NCALD: variants seen among roughly 807,000 people sequenced by gnomAD.
The protein encoded by NCALD is neurocalcin-delta.
NCALD carries 10 observed loss-of-function variants against 18.6 expected under a neutral mutation model. The observed-to-expected ratio is 0.54, with a 90% CI of 0.33 to 0.91. NCALD has a LOEUF of 0.91. Among genes scored for constraint, NCALD ranks in the 40% least tolerant of loss-of-function variants. The pLI, the probability that NCALD is intolerant of heterozygous loss-of-function variation, is 0.03. For missense variants in NCALD, 184 were observed against 247.6 expected (o/e 0.74, Z 1.72); for synonymous variants, 88 against 87.4 (o/e 1.01, Z -0.04).
intron 4 of NCALD, among the ~76,000 whole-genome samples, chr8:101,846,704 T>C (rs191134768): frequency 1.3e-5 from 2 of 152,352 alleles, no homozygotes; most frequent in Non-Finnish European, 2.9e-5. Flanking sequence ...CCTCAGACTC[T>C]AGCAGCATTA....
At chr8:101,977,933 G>A (rs897537206) in intron 2 of NCALD, among the ~76,000 whole-genome samples, 1 of 151,822 alleles carries the variant, frequency 6.6e-6, no homozygotes, top group South Asian at 2.1e-4. Flanking sequence ...GGTAAGTCAC[G>A]GTACATAGAG....
intron 1 of NCALD, among the ~76,000 whole-genome samples, chr8:101,730,513 T>C (rs1339411035): frequency 4.3e-5 from 6 of 141,060 alleles, no homozygotes; most frequent in Admixed American, 4.2e-4. Flanking sequence ...AAGAATACTG[T>C]GGAAATTCCT....
chr8:102,116,141 G>C (rs1825777520), intron 1 of NCALD, among the ~76,000 whole-genome samples: 1 of 152,112 alleles, frequency 6.6e-6, no homozygotes, highest in Admixed American at 6.5e-5. Context: ...ATAGCATTAG[G>C]AGATATACCT....
At chr8:102,110,195 C>T (rs1825597506) in intron 1 of NCALD, among the ~76,000 whole-genome samples, 1 of 152,090 alleles carries the variant, frequency 6.6e-6, no homozygotes, top group Non-Finnish European at 1.5e-5. Context: ...CTCTTGTTAT[C>T]ACAACCATAT....
At chr8:101,835,301 G>T (rs1045467708) in intron 4 of NCALD, among the ~76,000 whole-genome samples, 6 of 152,226 alleles carry the variant, frequency 3.9e-5, no homozygotes, top group African/African-American at 1.4e-4. Context: ...CTAGGCAATA[G>T]TTCTCAACCA....
chr8:101,884,400 C>T (rs1335655819), intron 4 of NCALD, among the ~76,000 whole-genome samples: 1 of 152,212 alleles, frequency 6.6e-6, no homozygotes, highest in Non-Finnish European at 1.5e-5. Context: ...TCCCTGCCAC[C>T]TAACACAGTG....
chr8:101,937,825 T>C (rs1284549579), intron 2 of NCALD, among the ~76,000 whole-genome samples: 1 of 152,130 alleles, frequency 6.6e-6, no homozygotes, highest in Non-Finnish European at 1.5e-5. Context: ...AGTCAATAAA[T>C]AAACAAATGA....
At chr8:102,039,654 T>C (rs566709882) in intron 1 of NCALD, among the ~76,000 whole-genome samples, 2 of 152,244 alleles carry the variant, frequency 1.3e-5, no homozygotes, top group Non-Finnish European at 2.9e-5. Flanking sequence ...TGTGCCTCAG[T>C]TTACTCATCT....
chr8:101,771,933 G>A (rs780536562), intron 1 of NCALD, among the ~76,000 whole-genome samples: 5 of 152,132 alleles, frequency 3.3e-5, no homozygotes, highest in Admixed American at 6.5e-5. Context: ...GCACTGAGTC[G>A]CAATTATGTG....
chr8:101,692,301 G>A, intron 3 of NCALD: 1 of 985,436 alleles, frequency 1.0e-6, no homozygotes, highest in Non-Finnish European at 1.2e-6. Flanking sequence ...GACTATGGGA[G>A]CCCACTGTCT....
chr8:101,831,942 C>A (rs1003325525), intron 4 of NCALD, among the ~76,000 whole-genome samples: 2 of 152,226 alleles, frequency 1.3e-5, no homozygotes, highest in African/African-American at 4.8e-5. Flanking sequence ...CAGAGCAGCT[C>A]TTTTCTTAGT....
chr8:102,082,330 T>C, intron 1 of NCALD, among the ~76,000 whole-genome samples: 1 of 147,262 alleles, frequency 6.8e-6, no homozygotes, highest in Admixed American at 7.0e-5. Flanking sequence ...ACCTCCCGGA[T>C]TCACGCCATT....
chr8:101,826,467 G>A (rs145741416), intron 4 of NCALD, among the ~76,000 whole-genome samples: 1 of 152,258 alleles, frequency 6.6e-6, no homozygotes, highest in Non-Finnish European at 1.5e-5. Flanking sequence ...GATTGACTTT[G>A]GAGTCACATT....
At chr8:102,082,224 CTCTTTT>C (rs1440901573) in intron 1 of NCALD, among the ~76,000 whole-genome samples, 4 of 109,482 alleles carry the variant, frequency 3.7e-5, no homozygotes, top group African/African-American at 1.5e-4. Context: ...GAGAAGCTCT[CTCTTTT>C]TTTTTTTTTT....
At chr8:102,117,437 A>G (rs1478271587) in intron 1 of NCALD, among the ~76,000 whole-genome samples, 1 of 152,192 alleles carries the variant, frequency 6.6e-6, no homozygotes, top group Non-Finnish European at 1.5e-5. Context: ...AGTCCCAGCT[A>G]CTGTCCTCGG....
intron 1 of NCALD, among the ~76,000 whole-genome samples, chr8:101,783,022 G>T (rs868056859): frequency 2.0e-5 from 3 of 152,160 alleles, no homozygotes; most frequent in Non-Finnish European, 4.4e-5. Flanking sequence ...GATATATCCC[G>T]GTTATTGAAA....
chr8:102,061,847 C>A (rs546328349), intron 1 of NCALD, among the ~76,000 whole-genome samples: 1 of 152,268 alleles, frequency 6.6e-6, no homozygotes, highest in South Asian at 2.1e-4. Context: ...AGTTATGGAA[C>A]CCAGTCAAAA....
intron 4 of NCALD, among the ~76,000 whole-genome samples, chr8:101,860,010 T>A (rs1032853402): frequency 6.6e-6 from 1 of 152,324 alleles, no homozygotes; most frequent in African/African-American, 2.4e-5. Context: ...TATTATTTTT[T>A]AAAGGCTTAG....
intron 1 of NCALD, among the ~76,000 whole-genome samples, chr8:102,057,908 CT>C (rs1350865639): frequency 6.6e-6 from 1 of 152,180 alleles, no homozygotes; most frequent in Non-Finnish European, 1.5e-5. Context: ...AAAATATTCG[CT>C]GGAGATTGGA....
Sources: allele counts gnomAD v4.1 joint callset (sites outside exome capture counted in the v4.1 genomes callset), GRCh38; gene constraint gnomAD v4.1.1; transcripts MANE v1.5; gene names NCBI Gene and HGNC (gene_info 2026-07-23, HGNC 2026-07-21).